ABRAXAS2: variants seen among roughly 807,000 people sequenced by gnomAD.
ABRAXAS2 encodes abraxas 2, BRISC complex subunit, also known as BRISC complex subunit Abraxas 2.
Under a neutral mutation model 49.0 loss-of-function variants are expected in ABRAXAS2, and 23 were observed. The ratio of observed to expected loss-of-function variants is 0.47; its 90% confidence interval spans 0.34 to 0.66. The LOEUF is 0.66. ABRAXAS2 is among the 30% of genes least tolerant of loss of function. The probability of loss-of-function intolerance (pLI) is 0.01; values close to 1 mark genes in which losing one functional copy is unlikely to be tolerated. For missense variants in ABRAXAS2, 443 were observed against 511.9 expected (o/e 0.87, Z 1.30); for synonymous variants, 168 against 180.2 (o/e 0.93, Z 0.54).
intron 4 of ABRAXAS2, 105 bp from the exon 5 acceptor site, chr10:124,826,490 T>C: frequency 8.7e-7 from 1 of 1,153,174 alleles, no homozygotes; most frequent in Non-Finnish European, 1.2e-6. Flanking sequence ...GGGTGGGGCT[T>C]TTGCACATAA....
chr10:124,828,709 T>G, intron 5 of ABRAXAS2, 47 bp from the exon 6 acceptor site: 2 of 1,584,498 alleles, frequency 1.3e-6, no homozygotes, highest in Non-Finnish European at 1.7e-6. Context: ...CACTTGAATA[T>G]GATAGAATGG....
chr10:124,824,889 T>C (rs1950887461), intron 4 of ABRAXAS2, among the ~76,000 whole-genome samples: 1 of 152,196 alleles, frequency 6.6e-6, no homozygotes, highest in Non-Finnish European at 1.5e-5. Context: ...ACTTTTACCT[T>C]TTTTATGGCC....
chr10:124,834,389 G>A, intron 8 of ABRAXAS2, 113 bp from the exon 9 acceptor site: 1 of 786,382 alleles, frequency 1.3e-6, no homozygotes, highest in South Asian at 1.8e-5. Context: ...GTGACAGTCA[G>A]CTTCATTGCC....
In ABRAXAS2 at chr10:124,834,546, T is replaced by G. The variant is rs758469554; in HGVS notation, c.823T>G (p.Leu275Val). The stretch of plus-strand genomic sequence containing the variant: ...AAGCAGACAGATGCCGTCTGAAAGC[T>G]TGGACCCAGCGTTCAGTCCTCGGAT... Reference protein sequence around the residue: ...VLSRQMPSESLDPAFSPRMPS... With the variant: ...VLSRQMPSESVDPAFSPRMPS... The change falls in exon 9 of 9, where the codon TTG becomes GTG. Residue 275 changes from leucine (L) to valine (V), a missense_variant. By Grantham distance (32) the Leu-to-Val change is conservative. This residue lies in a region of ABRAXAS2 where 230 missense variants were observed against 237.0 expected (regional missense o/e 0.97). Transcript: ENST00000298492. The G allele has an allele frequency of 1.9e-6, 3 of 1,614,198 alleles. No homozygotes were observed. In the Middle Eastern group the frequency reaches 4.9e-4, roughly 266 times the overall value.
intron 2 of ABRAXAS2, among the ~76,000 whole-genome samples, chr10:124,814,777 G>C (rs1458395136): frequency 6.6e-6 from 1 of 151,990 alleles, no homozygotes; most frequent in Non-Finnish European, 1.5e-5. Context: ...CTCCCGAGTA[G>C]CTGGGATTAC....
At chr10:124,813,604 C>G (rs958248012) in intron 2 of ABRAXAS2, among the ~76,000 whole-genome samples, 11 of 152,190 alleles carry the variant, frequency 7.2e-5, no homozygotes, top group Non-Finnish European at 1.3e-4. Flanking sequence ...AGAGGTTTAC[C>G]TGTCAGTTAA....
At chr10:124,819,348 T>C (rs1283738347) in intron 3 of ABRAXAS2, 36 bp from the exon 4 acceptor site, 2 of 1,557,266 alleles carry the variant, frequency 1.3e-6, no homozygotes, top group Non-Finnish European at 1.8e-6. Context: ...CACAATACTA[T>C]GTGGTGTTAG....
At chr10:124,816,349 A>G (rs1950825206) in intron 2 of ABRAXAS2, among the ~76,000 whole-genome samples, 1 of 152,222 alleles carries the variant, frequency 6.6e-6, no homozygotes, top group African/African-American at 2.4e-5. Flanking sequence ...TGCTCATCAT[A>G]CATGGACAGA....
intron 2 of ABRAXAS2, among the ~76,000 whole-genome samples, chr10:124,809,505 C>T (rs1294229219): frequency 6.6e-6 from 1 of 151,538 alleles, no homozygotes; most frequent in Non-Finnish European, 1.5e-5. Flanking sequence ...GGGCTAGTCT[C>T]GAACTCGTGG....
In ABRAXAS2 at chr10:124,835,732, T is replaced by C. The variant is rs925958606; in HGVS notation, c.*761T>C. The C allele has an allele frequency of 6.6e-6, 1 of 152,198 alleles. No homozygotes were observed. The highest frequency in any genetic ancestry group is 2.4e-5 in the African/African-American group (1 of 41,446). 9.4% of individuals were successfully genotyped at this position (152,198 alleles called of 1,614,324 possible). On this transcript the variant is annotated 3_prime_UTR_variant, in exon 9 of 9. Transcript: ENST00000298492. ...CACATTTATGGTCTCTGTTCTGGAA[T>C]CTTGGAGGACACACAGCAGTGGAGA...
rs370602013 is a variant in ABRAXAS2 at position 124,826,827 on chromosome 10, G to A, written c.458+42G>A. 32 of 1,594,508 alleles carry A rather than the reference G, an allele frequency of 2.0e-5. 1 individual carries two copies. Among genetic ancestry groups the A allele is most frequent in the Middle Eastern group, 1.7e-4 (1 of 5,986 alleles). ...CATCTGCCTCACATATAAGAAGGAC[G>A]TTGGGACCAGGCGTGGTGGCTTACG... On this transcript the variant is annotated intron_variant, in intron 5 of 8. Coordinates refer to ENST00000298492, the MANE Select transcript of ABRAXAS2 (RefSeq NM_032182.4).
Position 124,834,641 on chromosome 10 carries a change from C to T in ABRAXAS2, c.918C>T (p.Pro306=), listed in dbSNP as rs1381737024. ...LGDAEASDPP[P]PYSDFHPNNQ... ...ATGCAGAGGCCTCGGATCCTCCTCC[C>T]CCTTACTCTGATTTTCACCCAAACA... The change falls in exon 9 of 9, where the codon CCC becomes CCT. Residue 306 remains proline (P), a synonymous_variant. Transcript: ENST00000298492. 1.2e-6 allele frequency: 2 copies of T among 1,614,038 alleles called. No homozygotes were observed. The highest frequency in any genetic ancestry group is 1.3e-5 in the African/African-American group (1 of 74,896).
chr10:124,806,758 C>G, intron 1 of ABRAXAS2, 73 bp from the exon 2 acceptor site: 1 of 972,664 alleles, frequency 1.0e-6, no homozygotes, highest in South Asian at 1.5e-5. Context: ...TTTATATGTC[C>G]TCAATTCCTC....
At position 124,834,784 on chromosome 10, in the gene ABRAXAS2, G is replaced by A; in HGVS notation, c.1061G>A (p.Ser354Asn). 1 of 1,614,168 alleles carries A rather than the reference G, an allele frequency of 6.2e-7. No homozygotes were observed. The highest frequency in any genetic ancestry group is 8.5e-7 in the Non-Finnish European group (1 of 1,180,032). The change falls in exon 9 of 9, where the codon AGT becomes AAT. Residue 354 changes from serine (S) to asparagine (N), a missense_variant. Physicochemically the swap from Ser to Asn is conservative, Grantham distance 46 (BLOSUM62 1). Transcript: ENST00000298492. ...STSAGLKYPG[S>N]GADLPPPQRA... The stretch of plus-strand genomic sequence containing the variant: ...AGTGCCGGACTGAAGTATCCTGGAA[G>A]TGGGGCTGACCTTCCTCCTCCCCAA...
chr10:124,817,400 T>G (rs10901827), intron 3 of ABRAXAS2, among the ~76,000 whole-genome samples: 20,777 of 152,022 alleles, frequency 0.14, 1,623 homozygotes, highest in African/African-American at 0.19. Flanking sequence ...CTCACTGGAC[T>G]TCCCCCCAAA....
chr10:124,828,697 C>T, intron 5 of ABRAXAS2, 59 bp from the exon 6 acceptor site: 1 of 1,501,430 alleles, frequency 6.7e-7, no homozygotes, highest in Non-Finnish European at 9.1e-7. Flanking sequence ...GACTGTCAGT[C>T]TCACTTGAAT....
At chr10:124,804,769 C>T (rs144273395) in intron 1 of ABRAXAS2, among the ~76,000 whole-genome samples, 4 of 148,568 alleles carry the variant, frequency 2.7e-5, no homozygotes, top group African/African-American at 7.5e-5. Context: ...GCTTGAGTGC[C>T]GTGGCACAAT....
intron 3 of ABRAXAS2, among the ~76,000 whole-genome samples, chr10:124,818,384 A>T (rs1263977825): frequency 1.3e-5 from 2 of 149,762 alleles, no homozygotes; most frequent in Non-Finnish European, 3.0e-5. Context: ...TGACAGAGCG[A>T]GACTCCATCT....
At chr10:124,823,891 T>C (rs1950878394) in intron 4 of ABRAXAS2, among the ~76,000 whole-genome samples, 1 of 152,188 alleles carries the variant, frequency 6.6e-6, no homozygotes, top group African/African-American at 2.4e-5. Context: ...CCTTCATTGA[T>C]GAGAATGACA....
Sources: allele counts gnomAD v4.1 joint callset (sites outside exome capture counted in the v4.1 genomes callset), GRCh38; gene constraint gnomAD v4.1.1; regional missense constraint gnomAD v4.1.1; transcripts MANE v1.5; gene names NCBI Gene and HGNC (gene_info 2026-07-23, HGNC 2026-07-21).